The following SYNE1 variants were observed in gnomAD, a reference collection of about 807,000 sequenced individuals.
The protein encoded by SYNE1 is spectrin repeat containing nuclear envelope protein 1.
A neutral mutation model predicts 1,111.0 loss-of-function variants in SYNE1; 616 were observed. The ratio of observed to expected loss-of-function variants is 0.55; its 90% CI spans 0.52 to 0.59. SYNE1 has a LOEUF of 0.59. Among genes scored for constraint, SYNE1 ranks in the 20% least tolerant of loss-of-function variants. SYNE1 has a pLI of 0.00. For synonymous variants in SYNE1, 3,855 were observed against 3,825.8 expected, an observed-to-expected ratio of 1.01 and a Z score of -0.28; for missense variants, 10,006 against 10,417.0, an observed-to-expected ratio of 0.96 and a Z score of 1.72.
intron 9 of SYNE1, among the ~76,000 whole-genome samples, chr6:152,504,509 G>A (rs2099047299): frequency 6.6e-6 from 1 of 152,124 alleles, no homozygotes; most frequent in Non-Finnish European, 1.5e-5. Context: ...AAAATAATTT[G>A]CTTTCACTGT....
chr6:152,269,019 T>C, intron 99 of SYNE1, 136 bp downstream of exon 99: 1 of 1,331,868 alleles, frequency 7.5e-7, no homozygotes, highest in Non-Finnish European at 1.1e-6. Flanking sequence ...CACCAACATC[T>C]TGCTTCATTC....
At chr6:152,518,065 C>T (rs1165981436) in intron 6 of SYNE1, among the ~76,000 whole-genome samples, 2 of 151,686 alleles carry the variant, frequency 1.3e-5, no homozygotes, top group Non-Finnish European at 2.9e-5. Context: ...ATCCCACTGA[C>T]GGGGATGGGG....
At chr6:152,301,635 T>C (rs2095171666) in intron 92 of SYNE1, among the ~76,000 whole-genome samples, 1 of 152,236 alleles carries the variant, frequency 6.6e-6, no homozygotes, top group Non-Finnish European at 1.5e-5. Flanking sequence ...ACCTCTGACA[T>C]GTTAAGTAAT....
chr6:152,188,154 G>A (rs552778783), intron 128 of SYNE1, among the ~76,000 whole-genome samples: 1 of 152,266 alleles, frequency 6.6e-6, no homozygotes, highest in African/African-American at 2.4e-5. Flanking sequence ...ATTTATTACA[G>A]TTTGTTAACA....
intron 12 of SYNE1, among the ~76,000 whole-genome samples, chr6:152,485,692 T>C (rs909561676): frequency 6.6e-6 from 1 of 152,070 alleles, no homozygotes; most frequent in Non-Finnish European, 1.5e-5. Flanking sequence ...TGACTCCAAA[T>C]CTAAACATAA....
At chr6:152,247,750 T>TACACACACACAC (rs61420132) in intron 105 of SYNE1, among the ~76,000 whole-genome samples, 4 of 112,366 alleles carry the variant, frequency 3.6e-5, no homozygotes, top group Admixed American at 3.0e-4. Flanking sequence ...TATATATATA[T>TACACACACACAC]ACACACACAC....
intron 3 of SYNE1, among the ~76,000 whole-genome samples, chr6:152,609,711 C>T (rs2099625888): frequency 6.6e-6 from 1 of 152,216 alleles, no homozygotes; most frequent in South Asian, 2.1e-4. Flanking sequence ...TGGGATACAC[C>T]TCCCAGTAGG....
rs2094716293 is a variant in SYNE1, at chr6:152,293,602, T to G, written c.17998A>C (p.Met6000Leu). 6.2e-7 allele frequency: 1 copy of G among 1,614,012 alleles called. No homozygotes were observed. Among genetic ancestry groups the G allele is most frequent in the African/African-American group, 1.3e-5 (1 of 74,934 alleles). ...PEPGRSPESQ[M>L]AEHQALMDEI... ...GCTATTTGTACCTGATGTTCAGCCA[T>G]CTGGCTTTCTGGACTCCTGCCAGGC... Residue 6000 changes from methionine to leucine, a missense_variant, in exon 95 of 146, where the codon ATG becomes CTG. By Grantham distance (15) the Met-to-Leu change is conservative (BLOSUM62 2). Coordinates refer to ENST00000367255, the MANE Select transcript of SYNE1 (RefSeq NM_182961.4).
intron 42 of SYNE1, among the ~76,000 whole-genome samples, chr6:152,412,465 A>G (rs2098079215): frequency 6.6e-6 from 1 of 152,024 alleles, no homozygotes; most frequent in South Asian, 2.1e-4. Flanking sequence ...GACGCACACA[A>G]TGACATATGT....
intron 3 of SYNE1, among the ~76,000 whole-genome samples, chr6:152,550,380 T>A (rs987433469): frequency 1.3e-5 from 2 of 152,110 alleles, no homozygotes; most frequent in South Asian, 2.1e-4. Flanking sequence ...ATCTATTTTT[T>A]AAAAAACAAA....
At chr6:152,254,247 T>G (rs200106673) in intron 104 of SYNE1, among the ~76,000 whole-genome samples, 1 of 111,348 alleles carries the variant, frequency 9.0e-6, no homozygotes, top group Non-Finnish European at 1.9e-5. Context: ...GCATACTCTT[T>G]TTTTTTTTTT....
At chr6:152,605,447 A>G (rs1209082037) in intron 3 of SYNE1, among the ~76,000 whole-genome samples, 1 of 152,220 alleles carries the variant, frequency 6.6e-6, no homozygotes, top group Non-Finnish European at 1.5e-5. Context: ...GGAGTGTCTA[A>G]TGTTCCACAT....
chr6:152,486,110 G>A (rs1218839094), intron 12 of SYNE1, among the ~76,000 whole-genome samples: 4 of 151,982 alleles, frequency 2.6e-5, no homozygotes, highest in African/African-American at 7.3e-5. Flanking sequence ...CAGGAGAATC[G>A]CTTGAGCCTG....
intron 124 of SYNE1, among the ~76,000 whole-genome samples, chr6:152,209,782 G>A (rs1448753476): frequency 6.6e-6 from 1 of 151,848 alleles, no homozygotes; most frequent in East Asian, 1.9e-4. Flanking sequence ...CCATGTGATA[G>A]CTACTTAGAT....
chr6:152,549,116 AG>A (rs2099328336), intron 3 of SYNE1, among the ~76,000 whole-genome samples: 1 of 152,180 alleles, frequency 6.6e-6, no homozygotes, highest in Non-Finnish European at 1.5e-5. Flanking sequence ...ACTCAGCCAC[AG>A]GTGAACCCAA....
intron 136 of SYNE1, 51 bp downstream of exon 136, chr6:152,149,426 G>A (rs373021336): frequency 9.3e-6 from 15 of 1,607,538 alleles, no homozygotes; most frequent in Non-Finnish European, 1.2e-5. Context: ...AATCCCACAC[G>A]ACTTATTCTC....
intron 51 of SYNE1, 78 bp downstream of exon 51, chr6:152,395,416 CAAACCAACTAACTAACCAATCA>C (rs2097717072): frequency 7.7e-7 from 1 of 1,307,014 alleles, no homozygotes; most frequent in African/African-American, 1.5e-5. Context: ...CCACTACCCA[CAAACCAACTAACTAACCAATCA>C]AAACCAAACC....
chr6:152,220,761 C>A (rs1369208323), intron 119 of SYNE1, 81 bp downstream of exon 119: 8 of 1,310,446 alleles, frequency 6.1e-6, no homozygotes, highest in Non-Finnish European at 3.3e-6. Flanking sequence ...AAAGACATAC[C>A]AAAGCTTACA....
intron 107 of SYNE1, among the ~76,000 whole-genome samples, chr6:152,240,300 A>G (rs1282848557): frequency 6.6e-6 from 1 of 151,694 alleles, no homozygotes; most frequent in Non-Finnish European, 1.5e-5. Context: ...CTCAAAACAA[A>G]CAAACAAACA....
Sources: allele counts gnomAD v4.1 joint callset (sites outside exome capture counted in the v4.1 genomes callset), GRCh38; gene constraint gnomAD v4.1.1; transcripts MANE v1.5; gene names NCBI Gene and HGNC (gene_info 2026-07-23, HGNC 2026-07-21).